The following SLC9B1 variants were observed in gnomAD, a reference collection of about 807,000 sequenced individuals.
SLC9B1 encodes solute carrier family 9 member B1, also known as sodium/hydrogen exchanger 9B1.
A neutral mutation model predicts 51.7 loss-of-function variants in SLC9B1; 32 were observed. The observed-to-expected ratio is 0.62, with a 90% CI of 0.47 to 0.83. The LOEUF is 0.83. Ranked by LOEUF, SLC9B1 falls within the 40% of genes least tolerant of loss-of-function variation. SLC9B1 has a pLI of 0.00. For missense variants in SLC9B1, 406 were observed against 613.2 expected (o/e 0.66, Z 3.57); for synonymous variants, 145 against 212.7 (o/e 0.68, Z 2.77).
At chr4:102,987,327 A>C (rs565046430) in intron 3 of SLC9B1, among the ~76,000 whole-genome samples, 6 of 152,298 alleles carry the variant, frequency 3.9e-5, no homozygotes, top group Admixed American at 2.0e-4. Context: ...CTTCTCCATT[A>C]AAATCTTACT....
At chr4:102,948,675 A>G (rs1244990937) in intron 4 of SLC9B1, among the ~76,000 whole-genome samples, 1 of 152,198 alleles carries the variant, frequency 6.6e-6, no homozygotes, top group African/African-American at 2.4e-5. Context: ...AACATGGATA[A>G]AGCTGAACAC....
chr4:102,950,188 G>C (rs1489831635), intron 3 of SLC9B1, among the ~76,000 whole-genome samples: 2 of 152,142 alleles, frequency 1.3e-5, no homozygotes, highest in Non-Finnish European at 2.9e-5. Context: ...TCTTTTAAGA[G>C]GAACCTACTA....
intron 3 of SLC9B1, among the ~76,000 whole-genome samples, chr4:102,978,166 C>A (rs983903132): frequency 6.6e-6 from 1 of 152,150 alleles, no homozygotes; most frequent in Non-Finnish European, 1.5e-5. Context: ...GCATAGTATT[C>A]CATGGTGTAT....
chr4:102,997,041 G>A (rs1445479582), intron 1 of SLC9B1, among the ~76,000 whole-genome samples: 1 of 151,230 alleles, frequency 6.6e-6, no homozygotes, highest in East Asian at 1.9e-4. Context: ...CAATCCTTTT[G>A]TCTCAGCCTC....
chr4:102,923,261 C>T (rs1484846111), intron 7 of SLC9B1, among the ~76,000 whole-genome samples: 3 of 152,134 alleles, frequency 2.0e-5, no homozygotes, highest in African/African-American at 7.2e-5. Flanking sequence ...GTTCAACATA[C>T]ACAAATCAAT....
chr4:102,968,122 G>C lies in SLC9B1; in HGVS notation c.212-18695C>G, dbSNP rs570754968. Among the ~76,000 whole-genome samples the C allele has an allele frequency of 2.6e-5, 4 of 152,332 alleles. No individual in the cohort carries two copies. The East Asian group carries it at 7.7e-4, about 29-fold the overall frequency. On this transcript the variant is annotated intron_variant, in intron 3 of 11. Transcript: ENST00000296422. ...GAAAATTCAGTGTAAAGCAGCAGTA[G>C]TCAAGACAGTGTAGAATCCACATTA...
Position 102,951,960 on chromosome 4 carries a change from C to CTTTTTTTTTTAT in SLC9B1, c.212-2534_212-2533insATAAAAAAAAAA, listed in dbSNP as rs1553983448. Among the ~76,000 whole-genome samples, 6 of 6,554 alleles carry CTTTTTTTTTTAT rather than the reference C, an allele frequency of 9.2e-4. 1 individual carries two copies. In the East Asian group the frequency reaches 0.062, roughly 68 times the overall value. 4.3% of individuals were successfully genotyped at this position (6,554 alleles called of 152,430 possible). A position where few individuals can be genotyped will look rare whatever the true frequency, so the allele number is the denominator to read the frequency against. On this transcript the variant is annotated intron_variant, in intron 3 of 11. Transcript: ENST00000296422. ...AGACTACCAAAGGCAAAAATAAAAT[C>CTTTTTTTTTTAT]TTTTTTTTTTTTTTTTTTTTATTAT...
chr4:102,939,054 T>C (rs1387351598), intron 6 of SLC9B1, among the ~76,000 whole-genome samples: 2 of 150,402 alleles, frequency 1.3e-5, no homozygotes, highest in Non-Finnish European at 3.0e-5. Context: ...AATTGAGTCA[T>C]GAAAAGCCAT....
chr4:102,932,439 A>G, intron 6 of SLC9B1, 140 bp from the exon 7 acceptor site: 1 of 815,896 alleles, frequency 1.2e-6, no homozygotes, highest in Non-Finnish European at 1.9e-6. Flanking sequence ...TTTAATGGTG[A>G]TAAAACTTTT....
chr4:102,975,742 A>AT (rs1739038560), intron 3 of SLC9B1, among the ~76,000 whole-genome samples: 1 of 150,662 alleles, frequency 6.6e-6, no homozygotes, highest in Admixed American at 6.6e-5. Flanking sequence ...CTAATTTTGT[A>AT]TTTTTTAGTA....
At chr4:102,967,336 A>G (rs1738481690) in intron 3 of SLC9B1, among the ~76,000 whole-genome samples, 1 of 152,224 alleles carries the variant, frequency 6.6e-6, no homozygotes, top group Admixed American at 6.5e-5. Flanking sequence ...ATTTTTGAGT[A>G]TCTAAATAGC....
intron 3 of SLC9B1, among the ~76,000 whole-genome samples, chr4:102,965,784 TAA>T (rs59363262): frequency 6.8e-5 from 10 of 147,922 alleles, no homozygotes; most frequent in African/African-American, 2.2e-4. Flanking sequence ...TGTAAAATAA[TAA>T]AAAAAAAAAC....
intron 7 of SLC9B1, among the ~76,000 whole-genome samples, chr4:102,921,507 C>A (rs186735519): frequency 6.6e-6 from 1 of 152,224 alleles, no homozygotes; most frequent in East Asian, 1.9e-4. Context: ...CATCAATTAA[C>A]GGGCAAATAA....
intron 1 of SLC9B1, among the ~76,000 whole-genome samples, chr4:103,019,220 G>A (rs1292845974): frequency 1.3e-5 from 2 of 152,098 alleles, no homozygotes; most frequent in African/African-American, 4.8e-5. Flanking sequence ...CCAGTCGCAG[G>A]AGCATGTATG....
intron 3 of SLC9B1, among the ~76,000 whole-genome samples, chr4:102,970,952 T>C (rs1738724744): frequency 6.6e-6 from 1 of 152,184 alleles, no homozygotes; most frequent in Non-Finnish European, 1.5e-5. Context: ...CCTAACTATA[T>C]ATGCACCCAA....
chr4:102,961,147 C>T (rs2110488192), intron 3 of SLC9B1, among the ~76,000 whole-genome samples: 1 of 152,262 alleles, frequency 6.6e-6, no homozygotes, highest in East Asian at 1.9e-4. Context: ...TAAAGACACA[C>T]ATTCAGTTCA....
At chr4:102,956,670 G>GC (rs1219398284) in intron 3 of SLC9B1, among the ~76,000 whole-genome samples, 7 of 152,204 alleles carry the variant, frequency 4.6e-5, no homozygotes, top group African/African-American at 1.7e-4. Context: ...AAACCACTGG[G>GC]CAGAAGGATT....
At chr4:102,969,577 TCTC>T (rs1738636081) in intron 3 of SLC9B1, among the ~76,000 whole-genome samples, 1 of 152,222 alleles carries the variant, frequency 6.6e-6, no homozygotes, top group South Asian at 2.1e-4. Flanking sequence ...GAGTGCCTCT[TCTC>T]CTCCAAAGGA....
intron 11 of SLC9B1, chr4:102,888,621 T>C (rs2110405871): frequency 6.6e-6 from 1 of 152,392 alleles, no homozygotes; most frequent in East Asian, 1.9e-4. Flanking sequence ...AGTTTCATCT[T>C]ACATTACTAC....
Sources: gnomAD v4.1 joint callset for allele counts (sites outside exome capture counted in the v4.1 genomes callset) on GRCh38, gnomAD v4.1.1 for gene constraint, MANE v1.5 for transcripts, NCBI Gene and HGNC (gene_info 2026-07-23, HGNC 2026-07-21) for gene names.